MACROD2: variants seen among roughly 807,000 people sequenced by gnomAD.
MACROD2 encodes mono-ADP ribosylhydrolase 2, also known as ADP-ribose glycohydrolase MACROD2.
MACROD2 carries 36 observed loss-of-function variants against 70.4 expected under a neutral mutation model. The ratio of observed to expected loss-of-function variants is 0.51; its 90% CI spans 0.39 to 0.68. MACROD2 has a LOEUF of 0.68. Ranked by LOEUF, MACROD2 falls within the 30% of genes least tolerant of loss-of-function variation. The pLI is 0.00. For missense variants in MACROD2, 496 were observed against 538.4 expected (o/e 0.92, Z 0.78); for synonymous variants, 172 against 178.8 (o/e 0.96, Z 0.30).
At chr20:14,800,387 T>C (rs1259071329) in intron 5 of MACROD2, among the ~76,000 whole-genome samples, 1 of 152,106 alleles carries the variant, frequency 6.6e-6, no homozygotes, top group Admixed American at 6.6e-5. Flanking sequence ...TCATTAAAAC[T>C]ATGTTGATGA....
At chr20:14,446,643 G>A (rs976662036) in intron 3 of MACROD2, among the ~76,000 whole-genome samples, 1 of 152,072 alleles carries the variant, frequency 6.6e-6, no homozygotes. Context: ...ATCAGTTTCA[G>A]ACAGAGTGGC....
chr20:14,212,514 T>C (rs1217871178), intron 3 of MACROD2, among the ~76,000 whole-genome samples: 2 of 152,120 alleles, frequency 1.3e-5, no homozygotes, highest in Non-Finnish European at 2.9e-5. Context: ...TATTTCGCCT[T>C]CTCTCAGTGC....
At chr20:15,251,169 T>C (rs1398590950) in intron 6 of MACROD2, among the ~76,000 whole-genome samples, 1 of 152,170 alleles carries the variant, frequency 6.6e-6, no homozygotes, top group East Asian at 1.9e-4. Flanking sequence ...ATGATCAAAA[T>C]TGGGCTGAAT....
At chr20:14,407,120 G>GAA (rs11483034) in intron 3 of MACROD2, among the ~76,000 whole-genome samples, 138 of 148,762 alleles carry the variant, frequency 9.3e-4, no homozygotes, top group East Asian at 3.1e-3. Context: ...TAGTGGCAAT[G>GAA]AAAAAAAAAA....
At chr20:14,711,807 A>G (rs1041062393) in intron 5 of MACROD2, among the ~76,000 whole-genome samples, 1 of 152,102 alleles carries the variant, frequency 6.6e-6, no homozygotes, top group Non-Finnish European at 1.5e-5. Flanking sequence ...AGCTGTTTTC[A>G]CTTTCTTTAG....
chr20:14,780,813 T>A (rs2072291410), intron 5 of MACROD2, among the ~76,000 whole-genome samples: 1 of 152,112 alleles, frequency 6.6e-6, no homozygotes, highest in African/African-American at 2.4e-5. Context: ...TGGACCGTTT[T>A]CACAAAATCT....
intron 3 of MACROD2, among the ~76,000 whole-genome samples, chr20:14,147,935 G>A (rs753258008): frequency 2.7e-4 from 41 of 151,972 alleles, no homozygotes; most frequent in Non-Finnish European, 5.1e-4. Context: ...TTTATGTATA[G>A]TGAAAAGCTT....
chr20:15,415,407 C>T (rs1208263021), intron 6 of MACROD2, among the ~76,000 whole-genome samples: 1 of 152,148 alleles, frequency 6.6e-6, no homozygotes, highest in African/African-American at 2.4e-5. Context: ...ACAAAACTGT[C>T]ATTTTCCATG....
chr20:15,444,661 A>G (rs961048014), intron 7 of MACROD2, among the ~76,000 whole-genome samples: 5 of 152,116 alleles, frequency 3.3e-5, no homozygotes, highest in Non-Finnish European at 7.4e-5. Context: ...GGCTTTGGGC[A>G]TGGATTTCAG....
chr20:14,298,907 G>A (rs747290715), intron 3 of MACROD2, among the ~76,000 whole-genome samples: 1 of 152,196 alleles, frequency 6.6e-6, no homozygotes, highest in Non-Finnish European at 1.5e-5. Flanking sequence ...AAACGTACAT[G>A]GATGAAGAGT....
intron 3 of MACROD2, among the ~76,000 whole-genome samples, chr20:14,334,397 T>G (rs2082898632): frequency 6.6e-6 from 1 of 152,140 alleles, no homozygotes; most frequent in Non-Finnish European, 1.5e-5. Context: ...TTCAGTAAAT[T>G]TTTGAAATGG....
chr20:14,046,288 A>G (rs1238379972), intron 2 of MACROD2, among the ~76,000 whole-genome samples: 1 of 152,216 alleles, frequency 6.6e-6, no homozygotes, highest in African/African-American at 2.4e-5. Context: ...CTAGGTTTTC[A>G]AATGCTAAGA....
chr20:14,075,399 G>A (rs554894189), intron 2 of MACROD2, among the ~76,000 whole-genome samples: 2 of 152,244 alleles, frequency 1.3e-5, no homozygotes, highest in South Asian at 4.2e-4. Flanking sequence ...TACTATCTGC[G>A]GTTTCAGGCA....
At chr20:15,195,280 G>A (rs1367002861) in intron 5 of MACROD2, among the ~76,000 whole-genome samples, 2 of 152,054 alleles carry the variant, frequency 1.3e-5, no homozygotes, top group African/African-American at 2.4e-5. Context: ...AAGAAACTAT[G>A]ATCAGAGTGA....
intron 5 of MACROD2, among the ~76,000 whole-genome samples, chr20:15,171,479 C>G (rs1315866379): frequency 6.6e-6 from 1 of 151,698 alleles, no homozygotes. Context: ...ACCCCCTGAC[C>G]CCATAGTCAC....
At chr20:15,600,501 CCTT>C (rs1488294937) in intron 8 of MACROD2, among the ~76,000 whole-genome samples, 1 of 152,198 alleles carries the variant, frequency 6.6e-6, no homozygotes, top group Non-Finnish European at 1.5e-5. Flanking sequence ...CCCGCCCTCC[CCTT>C]CTTCTTTCTC....
At chr20:15,051,425 C>T (rs996094441) in intron 5 of MACROD2, among the ~76,000 whole-genome samples, 27 of 147,216 alleles carry the variant, frequency 1.8e-4, no homozygotes, top group Admixed American at 4.8e-4. Flanking sequence ...ATCCAAAATC[C>T]GTAGAACTGG....
At chr20:14,487,819 T>C (rs2084752802) in intron 3 of MACROD2, among the ~76,000 whole-genome samples, 1 of 152,162 alleles carries the variant, frequency 6.6e-6, no homozygotes, top group Admixed American at 6.5e-5. Context: ...CCTATATCTT[T>C]ATTAAGACTG....
chr20:15,296,839 T>A (rs2077594261), intron 6 of MACROD2, among the ~76,000 whole-genome samples: 1 of 152,244 alleles, frequency 6.6e-6, no homozygotes, highest in African/African-American at 2.4e-5. Flanking sequence ...TTTTAATGAA[T>A]CTGAGGTGCT....
Sources: gnomAD v4.1 joint callset for allele counts (sites outside exome capture counted in the v4.1 genomes callset) on GRCh38, gnomAD v4.1.1 for gene constraint, MANE v1.5 for transcripts, NCBI Gene and HGNC (gene_info 2026-07-23, HGNC 2026-07-21) for gene names.